Variants in IL7 observed in about 807,000 individuals in gnomAD.
IL7 encodes interleukin-7.
Under a neutral mutation model 21.6 loss-of-function variants are expected in IL7, and 3 were observed. The observed-to-expected ratio is 0.14, with a 90% CI of 0.06 to 0.36. IL7 has a LOEUF of 0.36. Among genes scored for constraint, IL7 ranks in the 10% least tolerant of loss-of-function variants. IL7 has a pLI of 1.00. For missense variants in IL7, 175 were observed against 200.2 expected, an observed-to-expected ratio of 0.87 and a Z score of 0.76; for synonymous variants, 62 against 68.1, an observed-to-expected ratio of 0.91 and a Z score of 0.44.
At chr8:78,713,219 T>C (rs1811002096), downstream of IL7, among the ~76,000 whole-genome samples, 1 of 152,132 alleles carries the variant, frequency 6.6e-6, no homozygotes, top group Admixed American at 6.5e-5. Flanking sequence ...AAAGAAAAAT[T>C]TGTGGACTGT....
intron 3 of IL7, among the ~76,000 whole-genome samples, chr8:78,700,780 T>A (rs1810577746): frequency 6.6e-6 from 1 of 152,216 alleles, no homozygotes. Flanking sequence ...CCATTGCTTA[T>A]TTTTGTCAGG....
At chr8:78,798,307 A>G in intron 1 of IL7, 99 bp from the exon 2 acceptor site, 1 of 826,444 alleles carries the variant, frequency 1.2e-6, no homozygotes, top group Non-Finnish European at 1.8e-6. Context: ...TAATAATTTT[A>G]AAAATACATC....
rs1810574243 is a variant in IL7, at chr8:78,700,726, A to G, written n.215-14779T>C. Among the ~76,000 whole-genome samples the G allele has an allele frequency of 2.6e-5, 4 of 152,166 alleles. No individual in the cohort carries two copies. In the South Asian group the frequency reaches 6.2e-4, roughly 24 times the overall value. On this transcript the variant is annotated intron_variant and non_coding_transcript_variant, in intron 3 of 4. Transcript: ENST00000523959. ...CAGTTTCAGTCTTCTGCATATTGCT[A>G]GCCAATTATCCCAGCACCTTTTATT... is the stretch of plus-strand genomic sequence containing the variant.
chr8:78,784,765 T>C (rs1813454947), intron 2 of IL7, among the ~76,000 whole-genome samples: 1 of 152,104 alleles, frequency 6.6e-6, no homozygotes, highest in Admixed American at 6.6e-5. Context: ...AAGAGGCTAC[T>C]CTAATTCTAC....
At chr8:78,746,974 A>G (rs924769220) in intron 2 of IL7, 5 of 443,996 alleles carry the variant, frequency 1.1e-5, no homozygotes, top group Non-Finnish European at 2.2e-5. Context: ...GAAAGTCAAT[A>G]TGGTTCACAG....
chr8:78,701,498 C>T (rs948630831), intron 3 of IL7, among the ~76,000 whole-genome samples: 2 of 152,110 alleles, frequency 1.3e-5, no homozygotes, highest in Non-Finnish European at 2.9e-5. Context: ...CTTTCTCTTG[C>T]CTGATTGCAC....
chr8:78,768,000 T>C (rs1035556527), intron 2 of IL7, among the ~76,000 whole-genome samples: 11 of 151,914 alleles, frequency 7.2e-5, no homozygotes, highest in African/African-American at 2.7e-4. Context: ...AATTCCCACC[T>C]ATGAGTGAGA....
chr8:78,763,829 A>G (rs772052530), intron 2 of IL7, among the ~76,000 whole-genome samples: 1 of 152,174 alleles, frequency 6.6e-6, no homozygotes, highest in Non-Finnish European at 1.5e-5. Context: ...CTCATTCTAT[A>G]AGGCCAGCAT....
chr8:78,798,019 G>C, intron 2 of IL7, 53 bp downstream of exon 2: 1 of 1,464,656 alleles, frequency 6.8e-7, no homozygotes, highest in African/African-American at 1.4e-5. Flanking sequence ...TACCAAAAAG[G>C]TTCAAATTTT....
intron 4 of IL7, among the ~76,000 whole-genome samples, chr8:78,680,278 C>A (rs1241374220): frequency 9.0e-6 from 1 of 111,196 alleles, no homozygotes; most frequent in African/African-American, 3.6e-5. Flanking sequence ...CAGAGCGAGA[C>A]TCCGTCTCAA....
chr8:78,680,191 T>C (rs9298316), intron 4 of IL7, among the ~76,000 whole-genome samples: 103,967 of 150,654 alleles, frequency 0.69, 36,499 homozygotes, highest in East Asian at 0.91. Flanking sequence ...GTTTCTTTTA[T>C]AAGGAATTGG....
chr8:78,715,242 T>G (rs374049698), downstream of IL7: 2 of 1,613,796 alleles, frequency 1.2e-6, no homozygotes, highest in Non-Finnish European at 1.7e-6. Flanking sequence ...AACCCCGAAA[T>G]TCCACACCAC....
chr8:78,730,450 T>C (rs372528546), downstream of IL7, among the ~76,000 whole-genome samples: 2 of 151,996 alleles, frequency 1.3e-5, no homozygotes, highest in East Asian at 1.9e-4. Context: ...AGCCAAAAGA[T>C]GTTTCACAAC....
intron 3 of IL7, among the ~76,000 whole-genome samples, chr8:78,705,682 AG>A (rs1473977345): frequency 1.3e-5 from 2 of 152,174 alleles, no homozygotes; most frequent in Non-Finnish European, 2.9e-5. Context: ...GAAACTGCTA[AG>A]TTGCCCAAAC....
chr8:78,762,367 G>C, intron 2 of IL7: 1 of 1,612,734 alleles, frequency 6.2e-7, no homozygotes, highest in Non-Finnish European at 8.5e-7. Context: ...AGCTGAAGAA[G>C]GCCAAGTCAA....
intron 2 of IL7, among the ~76,000 whole-genome samples, chr8:78,773,841 AAC>A (rs1316869965): frequency 2.0e-5 from 3 of 152,130 alleles, no homozygotes; most frequent in African/African-American, 7.2e-5. Context: ...TTATGGGAGA[AAC>A]ACAGTGTGAG....
At chr8:78,781,677 A>C (rs1813335849) in intron 2 of IL7, among the ~76,000 whole-genome samples, 1 of 151,840 alleles carries the variant, frequency 6.6e-6, no homozygotes, top group South Asian at 2.1e-4. Flanking sequence ...AACCTTGGAG[A>C]ATCTGATGAT....
intron 3 of IL7, among the ~76,000 whole-genome samples, chr8:78,687,299 T>TC (rs1372057431): frequency 6.6e-6 from 1 of 151,710 alleles, no homozygotes; most frequent in East Asian, 1.9e-4. Context: ...GGATTTATTT[T>TC]CTAACAAAGA....
chr8:78,799,253 C>T (rs531868214), intron 1 of IL7, among the ~76,000 whole-genome samples: 1 of 152,216 alleles, frequency 6.6e-6, no homozygotes, highest in South Asian at 2.1e-4. Flanking sequence ...CCTTCAAACC[C>T]AAGGAACTAA....
Sources: gnomAD v4.1 joint callset for allele counts (sites outside exome capture counted in the v4.1 genomes callset) on GRCh38, gnomAD v4.1.1 for gene constraint, MANE v1.5 for transcripts, NCBI Gene and HGNC (gene_info 2026-07-23, HGNC 2026-07-21) for gene names.